EXD2: variants seen among roughly 807,000 people sequenced by gnomAD.
The protein encoded by EXD2 is exonuclease 3'-5' domain containing 2.
In EXD2, 40 loss-of-function variants were observed where a neutral mutation model predicts 62.5. That is an observed-to-expected ratio of 0.64 (90% CI 0.50 to 0.83). The LOEUF is 0.83. Ranked by LOEUF, EXD2 falls within the 40% of genes least tolerant of loss-of-function variation. The pLI is 0.00. For synonymous variants in EXD2, 239 were observed against 291.9 expected (o/e 0.82, Z 1.85); for missense variants, 671 against 761.8 (o/e 0.88, Z 1.40).
chr14:69,231,227 A>T (rs1480653189), intron 5 of EXD2, among the ~76,000 whole-genome samples: 1 of 152,204 alleles, frequency 6.6e-6, no homozygotes, highest in East Asian at 1.9e-4. Flanking sequence ...TCCCTGCATT[A>T]CCTTTCCCCA....
intron 1 of EXD2, among the ~76,000 whole-genome samples, chr14:69,196,564 T>C (rs1029454793): frequency 6.6e-6 from 1 of 151,992 alleles, no homozygotes; most frequent in Non-Finnish European, 1.5e-5. Flanking sequence ...AGCTGTACCA[T>C]TTGACATTCC....
Position 69,228,171 on chromosome 14 carries a change from C to CT in EXD2, c.334-639dup, listed in dbSNP as rs1306185870. ...ATCATTTCTCACTCTACTCCTGGGC[C>CT]TTTTTTCCTTAGCCTTTTTTTTTTT... is the stretch of plus-strand genomic sequence containing the variant. On this transcript the variant is annotated intron_variant, in intron 3 of 9. Coordinates refer to ENST00000685843, the MANE Select transcript of EXD2 (RefSeq NM_001193360.2). Among the ~76,000 whole-genome samples, 13 of 144,344 alleles carry CT rather than the reference C, an allele frequency of 9.0e-5. No individual in the cohort carries two copies. The South Asian group carries it at 1.3e-3, about 15-fold the overall frequency. The allele number at this position is 144,344 out of a possible 152,430, so 94.7% of individuals were successfully genotyped here.
intron 5 of EXD2, among the ~76,000 whole-genome samples, chr14:69,231,275 C>T (rs2043568212): frequency 1.3e-5 from 2 of 151,790 alleles, no homozygotes; most frequent in African/African-American, 4.8e-5. Context: ...CAGAGGCAAC[C>T]ACTTTCATTT....
At chr14:69,205,253 G>A (rs1219194472) in intron 2 of EXD2, among the ~76,000 whole-genome samples, 1 of 152,002 alleles carries the variant, frequency 6.6e-6, no homozygotes, top group Non-Finnish European at 1.5e-5. Flanking sequence ...ATCTCATTAT[G>A]TTGCCCAGGT....
intron 1 of EXD2, among the ~76,000 whole-genome samples, chr14:69,202,029 G>A (rs2042425533): frequency 6.6e-6 from 1 of 152,066 alleles, no homozygotes; most frequent in Non-Finnish European, 1.5e-5. Context: ...TGGTGTTCAT[G>A]CCTGTAATCC....
chr14:69,228,290 C>T (rs140775631), intron 3 of EXD2, among the ~76,000 whole-genome samples: 1,990 of 145,948 alleles, frequency 0.014, 41 homozygotes, highest in African/African-American at 0.049. Context: ...CTCCCGGGTT[C>T]AAGCAATTCT....
At chr14:69,208,210 A>T (rs796657708) in intron 2 of EXD2, among the ~76,000 whole-genome samples, 180 of 112,498 alleles carry the variant, frequency 1.6e-3, no homozygotes, top group African/African-American at 3.0e-3. Flanking sequence ...GCCACTTACT[A>T]TTTTTTTTTT....
At chr14:69,197,310 G>A (rs2042240778) in intron 1 of EXD2, among the ~76,000 whole-genome samples, 1 of 151,712 alleles carries the variant, frequency 6.6e-6, no homozygotes, top group Non-Finnish European at 1.5e-5. Flanking sequence ...TTATTTGGTG[G>A]TAAGAGATTT....
At chr14:69,214,007 C>T (rs2042909938) in intron 3 of EXD2, 1 of 152,060 alleles carries the variant, frequency 6.6e-6, no homozygotes, top group Admixed American at 6.5e-5. Context: ...TGATAATAAA[C>T]TTCATCATTT....
rs1319703460 is a variant in EXD2, at chr14:69,237,847, AGCT to A, written c.1571_1573del (p.Leu524del). ...AGCCTGCCTACTCAGCGAAAGGAGG[AGCT>A]GCTGCAAGCACTCAGAGAGTTTTAT... On this transcript the variant is annotated inframe_deletion, in exon 9 of 10. Transcript: ENST00000685843. 1.2e-6 allele frequency: 2 copies of A among 1,612,770 alleles called. No homozygotes were observed. The highest frequency in any genetic ancestry group is 1.7e-6 in the Non-Finnish European group (2 of 1,179,618).
chr14:69,194,491 A>G (rs1021383134), intron 1 of EXD2, among the ~76,000 whole-genome samples: 1 of 143,204 alleles, frequency 7.0e-6, no homozygotes, highest in Non-Finnish European at 1.5e-5. Flanking sequence ...ACCATGTACT[A>G]ATTTCTTTTT....
At chr14:69,216,207 A>G (rs908198809) in intron 3 of EXD2, among the ~76,000 whole-genome samples, 4 of 152,190 alleles carry the variant, frequency 2.6e-5, no homozygotes, top group African/African-American at 9.7e-5. Flanking sequence ...GATTGAACAG[A>G]TAAACCTTTC....
intron 9 of EXD2, among the ~76,000 whole-genome samples, chr14:69,240,457 G>A (rs2043943779): frequency 6.6e-6 from 1 of 152,170 alleles, no homozygotes; most frequent in Non-Finnish European, 1.5e-5. Context: ...AAATTGTGTT[G>A]TGAAAAAGTG....
In EXD2 at chr14:69,235,010, T is replaced by G; in HGVS notation, c.1028T>G (p.Leu343Arg). The G allele has an allele frequency of 1.3e-6, 2 of 1,599,534 alleles. No individual in the cohort carries two copies. The highest frequency in any genetic ancestry group is 8.5e-7 in the Non-Finnish European group (1 of 1,174,578). The change falls in exon 6 of 10, where the codon CTG becomes CGG. Residue 343 changes from leucine to arginine, a missense_variant. Physicochemically the swap from Leu to Arg is moderately radical, Grantham distance 102. Coordinates refer to ENST00000685843, the MANE Select transcript of EXD2 (RefSeq NM_001193360.2). Reference sequence around the variant, plus strand: ...CCCAGAAAACATAAAAGAAAGCCTCTGGGGGTGGGCTATTCTGCCAGGTAA... The same window carrying G: ...CCCAGAAAACATAAAAGAAAGCCTCGGGGGGTGGGCTATTCTGCCAGGTAA... ...RDPRKHKRKP[L>R]GVGYSARKSP...
In EXD2 at chr14:69,237,731, C is replaced by T. The variant is rs940641073; in HGVS notation, c.1449C>T (p.Ala483=). Residue 483 remains alanine, a synonymous_variant, in exon 9 of 10, where the codon GCC becomes GCT. Coordinates refer to ENST00000685843, the MANE Select transcript of EXD2 (RefSeq NM_001193360.2). The part of the protein sequence containing the change: ...LKQQLAKEFQ[A]PIGSEEGLRL... ...AGCAGCTGGCCAAGGAGTTCCAGGC[C>T]CCCATCGGCTCTGAGGAGGGCTTGC... is the stretch of plus-strand genomic sequence containing the variant. 1.9e-6 allele frequency: 3 copies of T among 1,613,956 alleles called. No individual in the cohort carries two copies. In the African/African-American group the frequency reaches 4.0e-5, roughly 22 times the overall value.
At position 69,241,106 on chromosome 14, in the gene EXD2, G is replaced by C; in HGVS notation, c.*6G>C. 1 of 1,611,182 alleles carries C rather than the reference G, an allele frequency of 6.2e-7. No individual in the cohort carries two copies. The highest frequency in any genetic ancestry group is 8.5e-7 in the Non-Finnish European group (1 of 1,179,568). Reference sequence around the variant, plus strand: ...TTCCCATCCAGCTGTCTTGATAGCTGCTTTCCTCCCAGTTAGGACAAGTGG... The same window carrying C: ...TTCCCATCCAGCTGTCTTGATAGCTCCTTTCCTCCCAGTTAGGACAAGTGG... On this transcript the variant is annotated 3_prime_UTR_variant, in exon 10 of 10. Coordinates refer to ENST00000685843, the MANE Select transcript of EXD2 (RefSeq NM_001193360.2).
At chr14:69,213,100 T>G (rs2042870846) in intron 3 of EXD2, among the ~76,000 whole-genome samples, 2 of 149,648 alleles carry the variant, frequency 1.3e-5, no homozygotes, top group African/African-American at 4.9e-5. Flanking sequence ...TTTTTTTTTT[T>G]GTAGATGGGG....
rs760386121 is a variant in EXD2, at chr14:69,241,036, T to C, written c.1802T>C (p.Val601Ala). 6.2e-7 allele frequency: 1 copy of C among 1,613,008 alleles called. No homozygotes were observed. Among genetic ancestry groups the C allele is most frequent in the Non-Finnish European group, 8.5e-7 (1 of 1,180,026 alleles). The change falls in exon 10 of 10, where the codon GTG (valine) becomes GCG (alanine). Residue 601 changes from valine to alanine, a missense_variant. Physicochemically the swap from Val to Ala is moderately conservative, Grantham distance 64. Transcript: ENST00000685843. ...QPKHLPQQWSVDHNHQKLLRK... is the reference protein window; with the variant it reads ...QPKHLPQQWSADHNHQKLLRK... ...AAGCACCTGCCCCAGCAGTGGTCAG[T>C]GGACCACAACCATCAGAAGCTGCTC...
intron 3 of EXD2, among the ~76,000 whole-genome samples, chr14:69,217,592 A>G (rs1054449211): frequency 6.6e-6 from 1 of 151,878 alleles, no homozygotes; most frequent in African/African-American, 2.4e-5. Flanking sequence ...CACAACATGC[A>G]GGTTTGTTAC....
Sources: allele counts gnomAD v4.1 joint callset (sites outside exome capture counted in the v4.1 genomes callset), GRCh38; gene constraint gnomAD v4.1.1; transcripts MANE v1.5; gene names NCBI Gene and HGNC (gene_info 2026-07-23, HGNC 2026-07-21).